The following ZNF354C variants were observed in gnomAD, a reference collection of about 807,000 sequenced individuals.
The protein encoded by ZNF354C is KRAB-zinc finger protein synten.
A neutral mutation model predicts 12.4 loss-of-function variants in ZNF354C; 7 were observed. The observed-to-expected ratio is 0.56, with a 90% CI of 0.32 to 1.06. The LOEUF is 1.06. ZNF354C is among the 50% of genes least tolerant of loss of function. The pLI is 0.04. For missense variants in ZNF354C, 609 were observed against 658.0 expected (o/e 0.93, Z 0.81); for synonymous variants, 202 against 224.5 (o/e 0.90, Z 0.90).
Position 179,082,498 on chromosome 5 carries a change from CTTAAAT to C in ZNF354C, c.*2405_*2410del, listed in dbSNP as rs1762241897. On this transcript the variant is annotated 3_prime_UTR_variant, in exon 5 of 5. Transcript: ENST00000315475. ...TATATATTTATTTTAAAATGGTTTTCTTAAATTTATTTTTTTAAACATAACACGAGG... is the reference window on the plus strand; with the variant it reads ...TATATATTTATTTTAAAATGGTTTTCTTATTTTTTTAAACATAACACGAGG... 3.5e-6 allele frequency: 2 copies of C among 571,720 alleles called. No individual in the cohort carries two copies. Among genetic ancestry groups the C allele is most frequent in the Admixed American group, 3.1e-5 (1 of 32,116 alleles). The allele number at this position is 571,720 out of a possible 1,614,324, so 35.4% of individuals were successfully genotyped here. A position where few individuals can be genotyped will look rare whatever the true frequency, so the allele number is the denominator to read the frequency against.
At chr5:179,072,774 CAAAT>C (rs1289707355) in intron 2 of ZNF354C, among the ~76,000 whole-genome samples, 1 of 152,034 alleles carries the variant, frequency 6.6e-6, no homozygotes, top group African/African-American at 2.4e-5. Context: ...CCAGTAGATC[CAAAT>C]ATTATTTCCA....
Position 179,082,388 on chromosome 5 carries a change from C to T in ZNF354C, c.*2291C>T. The T allele has an allele frequency of 6.3e-6, 2 of 315,650 alleles. No homozygotes were observed. The highest frequency in any genetic ancestry group is 1.2e-5 in the Non-Finnish European group (2 of 172,548). The allele number at this position is 315,650 out of a possible 1,614,324, so 19.6% of individuals were successfully genotyped here. ...ACTTATCTTCCTGTTTAAAGAAATACAGGAATAGAGGAACAAGTTGAATTA... is the reference window on the plus strand; with the variant it reads ...ACTTATCTTCCTGTTTAAAGAAATATAGGAATAGAGGAACAAGTTGAATTA... On this transcript the variant is annotated 3_prime_UTR_variant, in exon 5 of 5. Transcript: ENST00000315475.
chr5:179,079,913 A>C lies in ZNF354C; in HGVS notation c.1481A>C (p.Lys494Thr). The stretch of plus-strand genomic sequence containing the variant: ...CATGAGAGGATCCACACTGGAGAGA[A>C]ACTGTATAAATGTATGGAATGTGGG... ...TEHERIHTGE[K>T]LYKCMECGKA... The change falls in exon 5 of 5, where the codon AAA becomes ACA. Residue 494 changes from lysine to threonine, a missense_variant. Transcript: ENST00000315475. This position sits in a 1 kb window ranked among gnomAD's most constrained non-coding sequence, Gnocchi z 4.2. 6.2e-7 allele frequency: 1 copy of C among 1,613,976 alleles called. No individual in the cohort carries two copies. The highest frequency in any genetic ancestry group is 1.6e-4 in the Middle Eastern group (1 of 6,062).
At position 179,076,505 on chromosome 5, in the gene ZNF354C, G is replaced by A. The variant is rs140360672; in HGVS notation, c.88G>A (p.Asp30Asn). The change falls in exon 3 of 5, where the codon GAC (aspartate) becomes AAC (asparagine). Residue 30 changes from aspartate to asparagine, a missense_variant. Coordinates refer to ENST00000315475, the MANE Select transcript of ZNF354C (RefSeq NM_014594.3). Reference sequence around the variant, plus strand: ...CAGCCAGGACGAGTGGTTGCACCTGGACTCTGCCCAGAGGGCCTTGTACCG... The same window carrying A: ...CAGCCAGGACGAGTGGTTGCACCTGAACTCTGCCCAGAGGGCCTTGTACCG... ...FFSQDEWLHL[D>N]SAQRALYREV... The A allele has an allele frequency of 2.2e-5, 36 of 1,614,060 alleles. No homozygotes were observed. Among genetic ancestry groups the A allele is most frequent in the Non-Finnish European group, 3.0e-5 (35 of 1,180,040 alleles).
In ZNF354C at chr5:179,082,861, G is replaced by T; in HGVS notation, c.*2764G>T. 8.5e-7 allele frequency: 1 copy of T among 1,174,930 alleles called. No individual in the cohort carries two copies. Among genetic ancestry groups the T allele is most frequent in the South Asian group, 1.2e-5 (1 of 81,548 alleles). 72.8% of individuals were successfully genotyped at this position (1,174,930 alleles called of 1,614,324 possible). ...ACAGCCTTGGGGCCCTCACAGACTC[G>T]CCAAACATTCCAGGCACTGCACTTG... On this transcript the variant is annotated 3_prime_UTR_variant, in exon 5 of 5. Coordinates refer to ENST00000315475, the MANE Select transcript of ZNF354C (RefSeq NM_014594.3).
Position 179,082,350 on chromosome 5 carries a change from A to ATCTT in ZNF354C, c.*2255_*2258dup, listed in dbSNP as rs34059723. 61,698 of 224,586 alleles carry ATCTT rather than the reference A, an allele frequency of 0.27. 8,947 individuals are homozygous for ATCTT. Among genetic ancestry groups the ATCTT allele is most frequent in the East Asian group, 0.38 (3,392 of 8,816 alleles). The allele number at this position is 224,586 out of a possible 1,614,324, so 13.9% of individuals were successfully genotyped here. ...AAATGTTTACCTCAAATTTAATTAA[A>ATCTT]TCTTTTGTCTAGACTTATCTTCCTG... On this transcript the variant is annotated 3_prime_UTR_variant, in exon 5 of 5. Transcript: ENST00000315475.
At chr5:179,061,964 C>A in intron 1 of ZNF354C, 51 bp from the exon 2 acceptor site, 1 of 1,299,120 alleles carries the variant, frequency 7.7e-7, no homozygotes, top group Non-Finnish European at 1.1e-6. Context: ...TTCCTCTCTC[C>A]AAGCCATCTC....
At chr5:179,066,336 A>G (rs1266085504) in intron 2 of ZNF354C, among the ~76,000 whole-genome samples, 2 of 152,240 alleles carry the variant, frequency 1.3e-5, no homozygotes, top group Non-Finnish European at 2.9e-5. Context: ...TCACTCATCC[A>G]TATGCTATCA....
Position 179,080,204 on chromosome 5 carries a change from T to C in ZNF354C, c.*107T>C. The stretch of plus-strand genomic sequence containing the variant: ...TTTTTTACTTCTCCTGAAGGAAATA[T>C]GTTAGTTGCCACTAAGTCATGATAA... On this transcript the variant is annotated 3_prime_UTR_variant, in exon 5 of 5. Transcript: ENST00000315475. The C allele has an allele frequency of 1.3e-6, 1 of 787,916 alleles. No homozygotes were observed. Among genetic ancestry groups the C allele is most frequent in the Admixed American group, 3.2e-5 (1 of 30,902 alleles). 48.8% of individuals were successfully genotyped at this position (787,916 alleles called of 1,614,324 possible). A position where few individuals can be genotyped will look rare whatever the true frequency, so the allele number is the denominator to read the frequency against.
At chr5:179,061,518 C>A (rs1339166446) in intron 1 of ZNF354C, among the ~76,000 whole-genome samples, 2 of 152,092 alleles carry the variant, frequency 1.3e-5, no homozygotes, top group Admixed American at 1.3e-4. Flanking sequence ...TTGGATTATG[C>A]TCACAGTTTC....
At chr5:179,069,744 T>C (rs1423255502) in intron 2 of ZNF354C, among the ~76,000 whole-genome samples, 7 of 151,122 alleles carry the variant, frequency 4.6e-5, no homozygotes, top group Non-Finnish European at 8.8e-5. Context: ...CGGGCGCCTG[T>C]AGTCCCAGCT....
intron 2 of ZNF354C, among the ~76,000 whole-genome samples, chr5:179,067,942 T>C (rs1361497662): frequency 1.3e-5 from 2 of 151,402 alleles, no homozygotes; most frequent in Non-Finnish European, 2.9e-5. Context: ...GAGGAATGGC[T>C]TAAGGCCAGG....
At chr5:179,068,208 T>G (rs1461116619) in intron 2 of ZNF354C, among the ~76,000 whole-genome samples, 1 of 151,692 alleles carries the variant, frequency 6.6e-6, no homozygotes, top group African/African-American at 2.4e-5. Context: ...TAAAGATCCA[T>G]GAAATGCTAG....
At chr5:179,067,509 A>G (rs1274917935) in intron 2 of ZNF354C, among the ~76,000 whole-genome samples, 2 of 152,250 alleles carry the variant, frequency 1.3e-5, no homozygotes, top group African/African-American at 2.4e-5. Context: ...AAGAGCACGT[A>G]AGATGAGAGA....
In ZNF354C at chr5:179,083,047, C is replaced by A; in HGVS notation, c.*2950C>A. 1.3e-6 allele frequency: 1 copy of A among 771,684 alleles called. No homozygotes were observed. The highest frequency in any genetic ancestry group is 1.7e-5 in the South Asian group (1 of 58,230). 47.8% of individuals were successfully genotyped at this position (771,684 alleles called of 1,614,324 possible). ...TCTTGCACACATTCCACTGGCCCTACGCAGGGGTGTGATGTTGTAAGCCAT... is the reference window on the plus strand; with the variant it reads ...TCTTGCACACATTCCACTGGCCCTAAGCAGGGGTGTGATGTTGTAAGCCAT... On this transcript the variant is annotated 3_prime_UTR_variant, in exon 5 of 5. Transcript: ENST00000315475.
In ZNF354C at chr5:179,083,023, C is replaced by A. The variant is rs1371506155; in HGVS notation, c.*2926C>A. 1.3e-6 allele frequency: 1 copy of A among 772,472 alleles called. No individual in the cohort carries two copies. Among genetic ancestry groups the A allele is most frequent in the Non-Finnish European group, 2.2e-6 (1 of 451,562 alleles). The allele number at this position is 772,472 out of a possible 1,614,324, so 47.9% of individuals were successfully genotyped here. On this transcript the variant is annotated 3_prime_UTR_variant, in exon 5 of 5. Transcript: ENST00000315475. ...TCATAGTTAATGAAGCCAAACTGAT[C>A]TTGCACACATTCCACTGGCCCTACG...
intron 2 of ZNF354C, among the ~76,000 whole-genome samples, chr5:179,063,993 A>C (rs1189078559): frequency 6.6e-6 from 1 of 152,202 alleles, no homozygotes; most frequent in East Asian, 1.9e-4. Flanking sequence ...TCAGGAAACC[A>C]AGACGTAAAG....
At chr5:179,073,831 A>G (rs1762079617) in intron 2 of ZNF354C, among the ~76,000 whole-genome samples, 1 of 150,876 alleles carries the variant, frequency 6.6e-6, no homozygotes, top group Non-Finnish European at 1.5e-5. Flanking sequence ...AATTTTTTGT[A>G]TTTTTAGTAG....
intron 2 of ZNF354C, among the ~76,000 whole-genome samples, chr5:179,064,977 A>T (rs1761942422): frequency 1.3e-5 from 2 of 152,198 alleles, no homozygotes; most frequent in South Asian, 4.1e-4. Flanking sequence ...GGAATTTGGT[A>T]TTGATTGCTT....
Sources: allele counts gnomAD v4.1 joint callset (sites outside exome capture counted in the v4.1 genomes callset), GRCh38; gene constraint gnomAD v4.1.1; non-coding constraint Gnocchi (gnomAD v3.1); transcripts MANE v1.5; gene names NCBI Gene and HGNC (gene_info 2026-07-23, HGNC 2026-07-21).